Variants in RPRD1A observed in about 807,000 individuals in gnomAD.
The protein encoded by RPRD1A is regulation of nuclear pre-mRNA domain containing 1A, also known as regulation of nuclear pre-mRNA domain-containing protein 1A.
In RPRD1A, 9 loss-of-function variants were observed where a neutral mutation model predicts 37.8. That is an observed-to-expected ratio of 0.24 (90% CI 0.14 to 0.42). The LOEUF (loss-of-function observed/expected upper bound fraction) is 0.42. Among genes scored for constraint, RPRD1A ranks in the 10% least tolerant of loss-of-function variants. The pLI, the probability that RPRD1A is intolerant of heterozygous loss-of-function variation, is 1.00. For missense variants in RPRD1A, 255 were observed against 371.0 expected (o/e 0.69, Z 2.57); for synonymous variants, 138 against 139.7 (o/e 0.99, Z 0.08).
intron 1 of RPRD1A, chr18:36,064,511 A>G (rs1790288598): frequency 6.6e-6 from 1 of 152,290 alleles, no homozygotes; most frequent in African/African-American, 2.4e-5. Flanking sequence ...CGCACCAATC[A>G]GTGCTCTGTG....
intron 6 of RPRD1A, among the ~76,000 whole-genome samples, chr18:36,014,395 T>C (rs962994341): frequency 3.3e-5 from 5 of 152,112 alleles, no homozygotes; most frequent in African/African-American, 1.2e-4. Context: ...ATAACAAATA[T>C]CATCAACCTA....
chr18:36,015,760 G>A (rs1313807599), intron 6 of RPRD1A, among the ~76,000 whole-genome samples: 2 of 152,146 alleles, frequency 1.3e-5, no homozygotes, highest in African/African-American at 2.4e-5. Flanking sequence ...TAAGGTATCC[G>A]GAATAGCCAA....
chr18:35,999,650 AAAG>A (rs1189811034), intron 6 of RPRD1A, among the ~76,000 whole-genome samples: 2 of 152,304 alleles, frequency 1.3e-5, no homozygotes, highest in Non-Finnish European at 1.5e-5. Flanking sequence ...GACAAAAAAA[AAAG>A]AGAGAATTTC....
intron 6 of RPRD1A, among the ~76,000 whole-genome samples, chr18:36,010,863 T>C (rs1012859871): frequency 6.6e-6 from 1 of 152,236 alleles, no homozygotes; most frequent in African/African-American, 2.4e-5. Flanking sequence ...TTGACTCAGA[T>C]AAGCCAGAAT....
At chr18:36,048,751 T>C (rs1944322) in intron 1 of RPRD1A, among the ~76,000 whole-genome samples, 3,671 of 152,124 alleles carry the variant, frequency 0.024, 157 homozygotes, top group African/African-American at 0.082. Flanking sequence ...ATCAGTCTTA[T>C]TACACATGGT....
intron 1 of RPRD1A, among the ~76,000 whole-genome samples, chr18:36,036,666 T>C (rs559653397): frequency 4.3e-4 from 66 of 152,344 alleles, no homozygotes; most frequent in African/African-American, 1.6e-3. Context: ...TTTAAAATTA[T>C]GTGTCCCTAT....
In RPRD1A at chr18:36,030,983, A is replaced by G; in HGVS notation, c.388+8T>C. Reference sequence around the variant, plus strand: ...GATCAAGGTAAGAGATCAGGATTCTACACTTACACAGAGCTTGTTTAAGTT... The same window carrying G: ...GATCAAGGTAAGAGATCAGGATTCTGCACTTACACAGAGCTTGTTTAAGTT... On this transcript the variant is annotated splice_region_variant and intron_variant, in intron 3 of 6. Coordinates refer to ENST00000399022, the MANE Select transcript of RPRD1A (RefSeq NM_018170.5). 2 of 1,592,986 alleles carry G rather than the reference A, an allele frequency of 1.3e-6. No individual in the cohort carries two copies. The highest frequency in any genetic ancestry group is 1.7e-6 in the Non-Finnish European group (2 of 1,170,056).
intron 6 of RPRD1A, among the ~76,000 whole-genome samples, chr18:35,997,153 GA>G (rs1909123059): frequency 6.6e-6 from 1 of 151,982 alleles, no homozygotes; most frequent in South Asian, 2.1e-4. Flanking sequence ...TTCCTATTTA[GA>G]ATATTTTGTT....
intron 1 of RPRD1A, among the ~76,000 whole-genome samples, chr18:36,043,090 G>A (rs148549748): frequency 2.7e-5 from 4 of 147,068 alleles, no homozygotes; most frequent in Admixed American, 7.0e-5. Flanking sequence ...AAATGAAAGC[G>A]ATTGATGTAT....
intron 6 of RPRD1A, chr18:36,025,586 A>T: frequency 1.6e-6 from 2 of 1,251,448 alleles, no homozygotes; most frequent in Non-Finnish European, 2.1e-6. Flanking sequence ...AAAACATGAG[A>T]CAATACAGGC....
In RPRD1A at chr18:36,035,149, T is replaced by C. The variant is rs75768265; in HGVS notation, c.152-1312A>G. On this transcript the variant is annotated intron_variant, in intron 1 of 6. Coordinates refer to ENST00000399022, the MANE Select transcript of RPRD1A (RefSeq NM_018170.5). ...GACCCTATCCTAACATTCAGTCCTG[T>C]CTCTTTTGTACCCATCCTTGCCCTC... 3.3e-4 allele frequency among the ~76,000 whole-genome samples: 51 copies of C among 152,278 alleles called. No homozygotes were observed. The East Asian group carries it at 7.5e-3, about 22-fold the overall frequency.
chr18:36,029,697 T>C (rs946539777), intron 4 of RPRD1A, among the ~76,000 whole-genome samples: 1 of 151,648 alleles, frequency 6.6e-6, no homozygotes, highest in African/African-American at 2.4e-5. Flanking sequence ...TACCAACATG[T>C]AGGAGGACAC....
intron 1 of RPRD1A, chr18:36,062,866 C>A (rs2088944097): frequency 6.6e-6 from 1 of 152,122 alleles, no homozygotes. Flanking sequence ...CTGGTGGTAG[C>A]TTTACAATTC....
At chr18:36,031,261 G>C (rs1408042322) in intron 2 of RPRD1A, among the ~76,000 whole-genome samples, 164 bp from the exon 3 acceptor site, 4 of 152,172 alleles carry the variant, frequency 2.6e-5, no homozygotes, top group Admixed American at 2.6e-4. Flanking sequence ...GCTCAAAAGT[G>C]AAGTGATCTA....
At chr18:36,065,694 C>G (rs2089016058) in intron 1 of RPRD1A, among the ~76,000 whole-genome samples, 1 of 152,170 alleles carries the variant, frequency 6.6e-6, no homozygotes, top group Non-Finnish European at 1.5e-5. Flanking sequence ...TACATTCCCA[C>G]CAAGTGGTAT....
At chr18:36,045,194 C>G (rs988938905) in intron 1 of RPRD1A, among the ~76,000 whole-genome samples, 1 of 151,914 alleles carries the variant, frequency 6.6e-6, no homozygotes, top group Non-Finnish European at 1.5e-5. Flanking sequence ...GAGCCAAGAT[C>G]GCACCACTGC....
chr18:36,036,461 C>T (rs1055793727), intron 1 of RPRD1A, among the ~76,000 whole-genome samples: 1 of 152,072 alleles, frequency 6.6e-6, no homozygotes, highest in Non-Finnish European at 1.5e-5. Flanking sequence ...TAAAAATTTA[C>T]AAGATTTAAA....
chr18:36,060,246 AC>A lies in RPRD1A; in HGVS notation c.151+7007del, dbSNP rs2088880094. The stretch of plus-strand genomic sequence containing the variant: ...GGAGATCGAGACCATCCTGACTAAC[AC>A]GGTAAAACCCCCATCTCTACTAAAA... On this transcript the variant is annotated intron_variant, in intron 1 of 6. Transcript: ENST00000399022. Among the ~76,000 whole-genome samples, 5 of 152,202 alleles carry A rather than the reference AC, an allele frequency of 3.3e-5. No homozygotes were observed. The East Asian group carries it at 9.7e-4, about 29-fold the overall frequency.
intron 1 of RPRD1A, among the ~76,000 whole-genome samples, chr18:36,040,167 G>C (rs562190582): frequency 6.6e-6 from 1 of 152,192 alleles, no homozygotes; most frequent in South Asian, 2.1e-4. Flanking sequence ...CCTAAAGTTT[G>C]AGTTAGGTGG....
Sources: gnomAD v4.1 joint callset for allele counts (sites outside exome capture counted in the v4.1 genomes callset) on GRCh38, gnomAD v4.1.1 for gene constraint, MANE v1.5 for transcripts, NCBI Gene and HGNC (gene_info 2026-07-23, HGNC 2026-07-21) for gene names.